CYYR1: variants seen among roughly 807,000 people sequenced by gnomAD.
The protein encoded by CYYR1 is cysteine and tyrosine rich 1, also known as cysteine and tyrosine-rich protein 1.
Under a neutral mutation model 15.2 loss-of-function variants are expected in CYYR1, and 14 were observed. The ratio of observed to expected loss-of-function variants is 0.92; its 90% CI spans 0.61 to 1.44. CYYR1 has a LOEUF of 1.44. Among genes scored for constraint, CYYR1 ranks in the 40% most tolerant of loss-of-function variants. The probability of loss-of-function intolerance (pLI) is 0.00; values close to 1 mark genes in which losing one functional copy is unlikely to be tolerated. For missense variants in CYYR1, 228 were observed against 209.5 expected (o/e 1.09, Z -0.54); for synonymous variants, 80 against 77.4 (o/e 1.03, Z -0.18).
intron 2 of CYYR1, among the ~76,000 whole-genome samples, chr21:26,532,608 C>T (rs2065946194): frequency 1.3e-5 from 2 of 152,144 alleles, no homozygotes; most frequent in South Asian, 2.1e-4. Context: ...TTGTTTGTTC[C>T]TGCTGTTGTT....
intron 1 of CYYR1, among the ~76,000 whole-genome samples, chr21:26,567,419 A>G (rs1005364175): frequency 6.6e-6 from 1 of 152,194 alleles, no homozygotes; most frequent in Non-Finnish European, 1.5e-5. Context: ...TTTTTTCCAT[A>G]TATTTTGCTG....
chr21:26,518,870 C>T (rs547338216), intron 2 of CYYR1, among the ~76,000 whole-genome samples: 23 of 152,272 alleles, frequency 1.5e-4, no homozygotes, highest in African/African-American at 5.1e-4. Context: ...TGAAATTAGG[C>T]AGTAATTTAC....
intron 2 of CYYR1, chr21:26,564,931 ATATT>A (rs1980506694): frequency 3.9e-6 from 2 of 509,924 alleles, no homozygotes; most frequent in African/African-American, 4.2e-5. Context: ...ACATCATTAT[ATATT>A]TAAATTTGAG....
rs112809988 is a variant in CYYR1, at chr21:26,542,296, T to C, written c.176+23970A>G. On this transcript the variant is annotated intron_variant, in intron 2 of 3. Coordinates refer to ENST00000652641, the MANE Select transcript of CYYR1 (RefSeq NM_001320768.2). ...GAGAATATGTGTGTGTGTGCGTGTG[T>C]GTGTGTGTGTGTGTGTGTGTGTGTG... Among the ~76,000 whole-genome samples the C allele has an allele frequency of 3.4e-3, 510 of 148,748 alleles. 1 individual carries two copies. The highest frequency in any genetic ancestry group is 9.2e-3 in the African/African-American group (364 of 39,550).
intron 3 of CYYR1, among the ~76,000 whole-genome samples, chr21:26,475,819 C>G (rs993492800): frequency 2.6e-5 from 4 of 152,134 alleles, no homozygotes; most frequent in Admixed American, 1.3e-4. Context: ...TCTGCCTGGG[C>G]GAAGACTTGA....
intron 2 of CYYR1, among the ~76,000 whole-genome samples, chr21:26,527,108 C>T (rs1013857486): frequency 4.6e-5 from 7 of 152,140 alleles, no homozygotes; most frequent in Non-Finnish European, 8.8e-5. Flanking sequence ...TCAGGGGATG[C>T]TGGGCTATCC....
chr21:26,531,387 C>T lies in CYYR1; in HGVS notation c.176+34879G>A, dbSNP rs145364457. ...CTTATATGGTTTGGCTCTGTGTCCC[C>T]ACCCAAATCTCATGTCAAACTATAA... On this transcript the variant is annotated intron_variant, in intron 2 of 3. Transcript: ENST00000652641. 2.6e-5 allele frequency among the ~76,000 whole-genome samples: 4 copies of T among 152,262 alleles called. No homozygotes were observed. In the East Asian group the frequency reaches 5.8e-4, roughly 22 times the overall value.
At chr21:26,545,465 C>T (rs1039223830) in intron 2 of CYYR1, among the ~76,000 whole-genome samples, 1 of 151,574 alleles carries the variant, frequency 6.6e-6, no homozygotes, top group African/African-American at 2.4e-5. Context: ...AATAAGCAAC[C>T]TGAAAGTTTA....
chr21:26,524,656 G>C lies in CYYR1; in HGVS notation c.176+41610C>G, dbSNP rs532616243. ...TAATGTCTTGCCCTTCTCTCTCTGTGTAATTGACTTTTTAAAAAATTTTGT... is the reference window on the plus strand; with the variant it reads ...TAATGTCTTGCCCTTCTCTCTCTGTCTAATTGACTTTTTAAAAAATTTTGT... On this transcript the variant is annotated intron_variant, in intron 2 of 3. Transcript: ENST00000652641. 2.6e-5 allele frequency among the ~76,000 whole-genome samples: 4 copies of C among 152,184 alleles called. No homozygotes were observed. The South Asian group carries it at 8.3e-4, about 32-fold the overall frequency.
intron 3 of CYYR1, among the ~76,000 whole-genome samples, chr21:26,474,073 G>T (rs1372537046): frequency 1.5e-5 from 2 of 134,508 alleles, no homozygotes; most frequent in African/African-American, 5.5e-5. Context: ...TTGAGATGGA[G>T]TCTTGCTCTG....
chr21:26,480,648 A>G (rs1466209840), intron 2 of CYYR1, among the ~76,000 whole-genome samples: 1 of 152,050 alleles, frequency 6.6e-6, no homozygotes, highest in Non-Finnish European at 1.5e-5. Context: ...AGTTATAAAA[A>G]TCCTCTTCTA....
chr21:26,536,092 C>T (rs1355870128), intron 2 of CYYR1, among the ~76,000 whole-genome samples: 2 of 152,076 alleles, frequency 1.3e-5, no homozygotes, highest in African/African-American at 2.4e-5. Flanking sequence ...CTTCACATGG[C>T]GGCAGGAGAG....
intron 2 of CYYR1, among the ~76,000 whole-genome samples, chr21:26,512,527 C>T (rs923867943): frequency 3.9e-5 from 6 of 152,052 alleles, no homozygotes; most frequent in East Asian, 1.9e-4. Flanking sequence ...GGTGTCAGCA[C>T]GCTACATCCT....
intron 2 of CYYR1, among the ~76,000 whole-genome samples, chr21:26,500,218 A>G (rs1403885974): frequency 2.0e-5 from 3 of 152,178 alleles, no homozygotes; most frequent in Admixed American, 1.3e-4. Context: ...TCTCTGTTAA[A>G]GGCCCCACCA....
At position 26,570,257 on chromosome 21, in the gene CYYR1, A is replaced by G. The variant is rs943042199; in HGVS notation, c.73+2611T>C. ...AATCAGCCAACTTAAACTTTCTTCA[A>G]TGACTTTTTGCTGAAAGGTGTGGTC... On this transcript the variant is annotated intron_variant, in intron 1 of 3. Coordinates refer to ENST00000652641, the MANE Select transcript of CYYR1 (RefSeq NM_001320768.2). Among the ~76,000 whole-genome samples, 9 of 152,154 alleles carry G rather than the reference A, an allele frequency of 5.9e-5. No individual in the cohort carries two copies. In the East Asian group the frequency reaches 1.2e-3, roughly 20 times the overall value.
Position 26,573,274 on chromosome 21 carries a change from T to C in CYYR1, c.-334A>G. 7.7e-7 allele frequency: 1 copy of C among 1,301,124 alleles called. No homozygotes were observed. The highest frequency in any genetic ancestry group is 9.9e-7 in the Non-Finnish European group (1 of 1,007,168). 80.6% of individuals were successfully genotyped at this position (1,301,124 alleles called of 1,614,324 possible). ...CAGGCTCACATTTCATCTCCGCGGG[T>C]GGCAACGACTGCGGGCAGGGGGCGG... is the stretch of plus-strand genomic sequence containing the variant. On this transcript the variant is annotated 5_prime_UTR_variant, in exon 1 of 4. Transcript: ENST00000652641.
chr21:26,468,609 G>T lies in CYYR1; in HGVS notation c.360C>A (p.Asp120Glu), dbSNP rs1282101463. The T allele has an allele frequency of 6.2e-7, 1 of 1,612,102 alleles. No individual in the cohort carries two copies. The highest frequency in any genetic ancestry group is 1.7e-5 in the Admixed American group (1 of 59,878). The change falls in exon 4 of 4, where the codon GAC (aspartate) becomes GAA (glutamate). Residue 120 changes from aspartate to glutamate, a missense_variant. Coordinates refer to ENST00000652641, the MANE Select transcript of CYYR1 (RefSeq NM_001320768.2). ...AGTCTGCACAGTATTCCATCTCGTGGTCGTGACCGTAGGGTGGTGGTCCTG... is the reference window on the plus strand; with the variant it reads ...AGTCTGCACAGTATTCCATCTCGTGTTCGTGACCGTAGGGTGGTGGTCCTG... ...YPAGPPPYGH[D>E]HEMEYCADLP...
chr21:26,571,181 T>A (rs1980989174), intron 1 of CYYR1, among the ~76,000 whole-genome samples: 1 of 152,144 alleles, frequency 6.6e-6, no homozygotes, highest in Non-Finnish European at 1.5e-5. Context: ...CATACCTCAC[T>A]CAGTAAGTAA....
intron 2 of CYYR1, among the ~76,000 whole-genome samples, chr21:26,517,846 G>A (rs1223109185): frequency 6.6e-6 from 1 of 152,060 alleles, no homozygotes; most frequent in South Asian, 2.1e-4. Context: ...GTGAGTCACC[G>A]TGCCCAGCCC....
Sources: allele counts gnomAD v4.1 joint callset (sites outside exome capture counted in the v4.1 genomes callset), GRCh38; gene constraint gnomAD v4.1.1; transcripts MANE v1.5; gene names NCBI Gene and HGNC (gene_info 2026-07-23, HGNC 2026-07-21).